Variants in FGF14 observed in about 807,000 individuals in gnomAD.
FGF14 encodes fibroblast growth factor 14, also known as fibroblast growth factor homologous factor 4.
In FGF14, 5 loss-of-function variants were observed where a neutral mutation model predicts 25.5. The ratio of observed to expected loss-of-function variants is 0.20; its 90% confidence interval spans 0.10 to 0.41. The LOEUF (loss-of-function observed/expected upper bound fraction) is 0.41. FGF14 is among the 10% of genes least tolerant of loss of function. The probability of loss-of-function intolerance (pLI) is 1.00; values close to 1 mark genes in which losing one functional copy is unlikely to be tolerated. For synonymous variants in FGF14, 138 were observed against 118.3 expected, an observed-to-expected ratio of 1.17 and a Z score of -1.08; for missense variants, 222 against 320.1, an observed-to-expected ratio of 0.69 and a Z score of 2.34.
chr13:102,020,798 G>A (rs2040604371), intron 1 of FGF14, among the ~76,000 whole-genome samples: 1 of 152,018 alleles, frequency 6.6e-6, no homozygotes. Context: ...ACACAGATGG[G>A]ATGTTACCTG....
chr13:102,274,908 A>AT (rs2053434191), intron 1 of FGF14, among the ~76,000 whole-genome samples: 2 of 150,902 alleles, frequency 1.3e-5, no homozygotes, highest in Non-Finnish European at 3.0e-5. Flanking sequence ...ATAATAAATA[A>AT]TTATTTATTA....
At chr13:102,208,831 C>T (rs1335821858) in intron 1 of FGF14, among the ~76,000 whole-genome samples, 4 of 152,090 alleles carry the variant, frequency 2.6e-5, no homozygotes, top group African/African-American at 9.7e-5. Context: ...CAACAGCTGT[C>T]CCCCTGTTGA....
At chr13:102,227,241 CT>C (rs2050864916) in intron 1 of FGF14, among the ~76,000 whole-genome samples, 1 of 152,076 alleles carries the variant, frequency 6.6e-6, no homozygotes. Context: ...TACTCTCTTG[CT>C]TCATGGAATT....
intron 1 of FGF14, among the ~76,000 whole-genome samples, chr13:101,956,778 A>G (rs971052277): frequency 2.6e-5 from 4 of 151,292 alleles, no homozygotes; most frequent in Non-Finnish European, 5.9e-5. Context: ...CAAAAAAAAA[A>G]AAAAAGAAAA....
At chr13:102,378,623 C>A (rs561421180) in intron 1 of FGF14, among the ~76,000 whole-genome samples, 3,226 of 124,200 alleles carry the variant, frequency 0.026, 35 homozygotes, top group Middle Eastern at 0.078. Context: ...ATCTATCTAT[C>A]TATCTATCTA....
chr13:101,968,802 C>T (rs1235358213), intron 1 of FGF14, among the ~76,000 whole-genome samples: 1 of 151,148 alleles, frequency 6.6e-6, no homozygotes, highest in African/African-American at 2.4e-5. Context: ...TCCCCCACAA[C>T]TCTTTTAACT....
chr13:101,913,834 C>T (rs1168595967), intron 1 of FGF14, among the ~76,000 whole-genome samples: 2 of 152,000 alleles, frequency 1.3e-5, no homozygotes, highest in Non-Finnish European at 2.9e-5. Context: ...ATTCTTTATC[C>T]CAGCTCTCTT....
At chr13:102,007,210 A>T (rs149618609) in intron 1 of FGF14, among the ~76,000 whole-genome samples, 1 of 152,328 alleles carries the variant, frequency 6.6e-6, no homozygotes, top group African/African-American at 2.4e-5. Flanking sequence ...GAGAAAACAA[A>T]AGGAAAGGAA....
At chr13:101,911,994 C>T (rs1015843598) in intron 1 of FGF14, among the ~76,000 whole-genome samples, 4 of 141,512 alleles carry the variant, frequency 2.8e-5, no homozygotes, top group Non-Finnish European at 4.5e-5. Flanking sequence ...CAGTAGCGCA[C>T]AAAAACAGTG....
Position 102,070,327 on chromosome 13 carries a change from G to A in FGF14, c.209-195031C>T, listed in dbSNP as rs1253001153. On this transcript the variant is annotated intron_variant, in intron 1 of 4. Transcript: ENST00000376131. ...GAGAAATGCAAATCAAAACTACAATGAGATATCATCTCACTCTAGTTAAAA... is the reference window on the plus strand; with the variant it reads ...GAGAAATGCAAATCAAAACTACAATAAGATATCATCTCACTCTAGTTAAAA... Among the ~76,000 whole-genome samples, 6 of 152,160 alleles carry A rather than the reference G, an allele frequency of 3.9e-5. No individual in the cohort carries two copies. The South Asian group carries it at 8.3e-4, about 21-fold the overall frequency.
At chr13:101,884,892 C>G (rs902560296) in intron 1 of FGF14, among the ~76,000 whole-genome samples, 1 of 151,704 alleles carries the variant, frequency 6.6e-6, no homozygotes, top group African/African-American at 2.4e-5. Context: ...CACACACACA[C>G]AGAGTAAAGT....
At chr13:102,283,382 T>C (rs1370334061) in intron 1 of FGF14, among the ~76,000 whole-genome samples, 1 of 152,148 alleles carries the variant, frequency 6.6e-6, no homozygotes, top group Non-Finnish European at 1.5e-5. Flanking sequence ...GAATTTGTAG[T>C]CTCTGCTATA....
At position 101,936,103 on chromosome 13, in the gene FGF14, T is replaced by C. The variant is rs1212364112; in HGVS notation, c.209-60807A>G. Reference sequence around the variant, plus strand: ...GCAAGCTTTAACATACCTTATCTTATTTAATCCTTGAGACAATTTTATAAA... The same window carrying C: ...GCAAGCTTTAACATACCTTATCTTACTTAATCCTTGAGACAATTTTATAAA... On this transcript the variant is annotated intron_variant, in intron 1 of 4. Transcript: ENST00000376131. 2.0e-5 allele frequency among the ~76,000 whole-genome samples: 3 copies of C among 152,210 alleles called. No individual in the cohort carries two copies. In the East Asian group the frequency reaches 5.8e-4, roughly 29 times the overall value.
At chr13:102,382,723 T>C (rs1366228259) in intron 1 of FGF14, among the ~76,000 whole-genome samples, 1 of 152,032 alleles carries the variant, frequency 6.6e-6, no homozygotes, top group Non-Finnish European at 1.5e-5. Context: ...ACAACCCAAA[T>C]GTCCATCAAC....
chr13:101,728,333 T>C (rs539079995), intron 3 of FGF14, among the ~76,000 whole-genome samples: 1 of 152,228 alleles, frequency 6.6e-6, no homozygotes, highest in South Asian at 2.1e-4. Flanking sequence ...CTTATGTAGA[T>C]CTTTATTTCT....
intron 1 of FGF14, among the ~76,000 whole-genome samples, chr13:102,107,183 A>T (rs1335003255): frequency 2.0e-5 from 3 of 152,206 alleles, no homozygotes; most frequent in Non-Finnish European, 4.4e-5. Flanking sequence ...TTTTTAAAAA[A>T]ACGAATTAAA....
intron 1 of FGF14, among the ~76,000 whole-genome samples, chr13:101,961,379 G>A (rs2036847795): frequency 6.6e-6 from 1 of 152,180 alleles, no homozygotes; most frequent in South Asian, 2.1e-4. Flanking sequence ...ATGTAAGGAA[G>A]AGGTCCAGTT....
At chr13:101,945,796 G>A (rs1222708417) in intron 1 of FGF14, among the ~76,000 whole-genome samples, 2 of 152,198 alleles carry the variant, frequency 1.3e-5, no homozygotes, top group Non-Finnish European at 2.9e-5. Flanking sequence ...TTTCAACACG[G>A]GGAGGAAATG....
At chr13:102,001,008 G>C (rs1031422568) in intron 1 of FGF14, among the ~76,000 whole-genome samples, 15 of 152,186 alleles carry the variant, frequency 9.9e-5, no homozygotes, top group African/African-American at 3.6e-4. Context: ...GGAGTTTAGG[G>C]AGAGGGTCAT....
Sources: gnomAD v4.1 joint callset for allele counts (sites outside exome capture counted in the v4.1 genomes callset) on GRCh38, gnomAD v4.1.1 for gene constraint, MANE v1.5 for transcripts, NCBI Gene and HGNC (gene_info 2026-07-23, HGNC 2026-07-21) for gene names.